GAA: variants seen among roughly 807,000 people sequenced by gnomAD.
GAA encodes alpha glucosidase.
A neutral mutation model predicts 103.9 loss-of-function variants in GAA; 88 were observed. The observed-to-expected ratio is 0.85, with a 90% CI of 0.71 to 1.01. The LOEUF is 1.01. GAA is among the 50% of genes least tolerant of loss of function. The probability of loss-of-function intolerance (pLI) is 0.00; values close to 1 mark genes in which losing one functional copy is unlikely to be tolerated. For synonymous variants in GAA, 572 were observed against 563.1 expected, an observed-to-expected ratio of 1.02 and a Z score of -0.22; for missense variants, 1,350 against 1,305.3, an observed-to-expected ratio of 1.03 and a Z score of -0.53.
intron 11 of GAA, among the ~76,000 whole-genome samples, chr17:80,111,281 G>A (rs563761493): frequency 6.6e-6 from 1 of 152,226 alleles, no homozygotes; most frequent in African/African-American, 2.4e-5. Flanking sequence ...AGGCCGACTC[G>A]ACTCAGAGCC....
At chr17:80,111,936 G>A (rs1462307127) in intron 11 of GAA, 47 bp from the exon 12 acceptor site, 2 of 1,542,326 alleles carry the variant, frequency 1.3e-6, no homozygotes, top group Admixed American at 1.7e-5. Context: ...GCACCTTGGA[G>A]CCTGCCGGGA....
rs746699384 is a variant in GAA, at chr17:80,108,599, T to G, written c.1186T>G (p.Phe396Val). The G allele has an allele frequency of 6.2e-7, 1 of 1,612,820 alleles. No individual in the cohort carries two copies. Among genetic ancestry groups the G allele is most frequent in the South Asian group, 1.1e-5 (1 of 91,066 alleles). Residue 396 changes from phenylalanine (F) to valine (V), a missense_variant, in exon 7 of 20, where the codon TTC becomes GTC. By Grantham distance (50) the Phe-to-Val change is conservative. Coordinates refer to ENST00000302262, the MANE Select transcript of GAA (RefSeq NM_000152.5). The part of the protein sequence containing the change: ...QVVENMTRAH[F>V]PLDVQWNDLD... ...GGTGGAGAACATGACCAGGGCCCAC[T>G]TCCCCCTGGTGAGTTGGGGTGGTGG...
chr17:80,111,891 G>A, intron 11 of GAA, 92 bp from the exon 12 acceptor site: 1 of 1,080,704 alleles, frequency 9.3e-7, no homozygotes, highest in Non-Finnish European at 1.4e-6. Flanking sequence ...GCAGCGACCT[G>A]CACAGGGGCT....
At position 80,112,983 on chromosome 17, in the gene GAA, G is replaced by C. The variant is rs916566117; in HGVS notation, c.1996G>C (p.Ala666Pro). 6.2e-7 allele frequency: 1 copy of C among 1,610,930 alleles called. No individual in the cohort carries two copies. Among genetic ancestry groups the C allele is most frequent in the South Asian group, 1.1e-5 (1 of 90,532 alleles). ...ELCVRWTQLG[A>P]FYPFMRNHNS... ...GTGTGTGCGCTGGACCCAGCTGGGGGCCTTCTACCCCTTCATGCGGAACCA... is the reference window on the plus strand; with the variant it reads ...GTGTGTGCGCTGGACCCAGCTGGGGCCCTTCTACCCCTTCATGCGGAACCA... The change falls in exon 14 of 20, where the codon GCC (alanine) becomes CCC (proline). Residue 666 changes from alanine to proline, a missense_variant. Physicochemically the swap from Ala to Pro is conservative, Grantham distance 27. Coordinates refer to ENST00000302262, the MANE Select transcript of GAA (RefSeq NM_000152.5).
Position 80,113,310 on chromosome 17 carries a change from A to G in GAA, c.2133A>G (p.Thr711=), listed in dbSNP as rs1800310. The G allele has an allele frequency of 0.28, 444,334 of 1,596,368 alleles. 64,026 individuals carry two copies. Among genetic ancestry groups the G allele is most frequent in the East Asian group, 0.39 (17,101 of 43,980 alleles). The change falls in exon 15 of 20, where the codon ACA becomes ACG. Residue 711 remains threonine (T), a synonymous_variant. Transcript: ENST00000302262. ...ACGCACTCCTCCCCCACCTCTACAC[A>G]CTGTTCCACCAGGCCCACGTCGCGG... ...LRYALLPHLY[T]LFHQAHVAGE...
At chr17:80,118,855 A>T (rs759763710) in intron 19 of GAA, 50 bp downstream of exon 19, 1 of 1,600,898 alleles carries the variant, frequency 6.2e-7, no homozygotes, top group African/African-American at 1.3e-5. Flanking sequence ...GCCGTGGTGC[A>T]GGGGGCAGAA....
rs541981435 is a variant in GAA at position 80,118,875 on chromosome 17, C to T, written c.2799+70C>T. 1.2e-4 allele frequency: 189 copies of T among 1,567,532 alleles called. 1 individual carries two copies. Among genetic ancestry groups the T allele is most frequent in the Middle Eastern group, 1.8e-4 (1 of 5,580 alleles). Reference sequence around the variant, plus strand: ...GGTGCAGGGGGCAGAAGGTGCTGGGCGTCCTGGTGACCGATGCCAGGAACA... The same window carrying T: ...GGTGCAGGGGGCAGAAGGTGCTGGGTGTCCTGGTGACCGATGCCAGGAACA... On this transcript the variant is annotated intron_variant, in intron 19 of 19. Coordinates refer to ENST00000302262, the MANE Select transcript of GAA (RefSeq NM_000152.5).
rs1235035841 is a variant in GAA, at chr17:80,112,699, T to G, written c.1876T>G (p.Ser626Ala). The change falls in exon 13 of 20, where the codon TCC becomes GCC. Residue 626 changes from serine to alanine, a missense_variant. Ser to Ala is a moderately conservative substitution (Grantham distance 99). Coordinates refer to ENST00000302262, the MANE Select transcript of GAA (RefSeq NM_000152.5). ...GTGGAGCTCCTGGGAGCAGCTCGCC[T>G]CCTCCGTGCCAGGTGAGCTCCTACC... is the stretch of plus-strand genomic sequence containing the variant. ...DVWSSWEQLA[S>A]SVPEILQFNL... 3 of 1,608,560 alleles carry G rather than the reference T, an allele frequency of 1.9e-6. No homozygotes were observed. The highest frequency in any genetic ancestry group is 1.3e-5 in the African/African-American group (1 of 74,866).
chr17:80,104,667 G>T lies in GAA; in HGVS notation c.81G>T (p.Leu27=). Residue 27 remains leucine (L), a synonymous_variant, in exon 2 of 20, where the codon CTG becomes CTT. Transcript: ENST00000302262. The surrounding 1 kb of genome is among the most constrained non-coding windows in gnomAD (Gnocchi z 4.0). ...ALVSLATAAL[L]GHILLHDFLL... ...TGTCCTTGGCAACCGCTGCACTCCT[G>T]GGGCACATCCTACTCCATGATTTCC... The T allele has an allele frequency of 6.2e-7, 1 of 1,613,330 alleles. No homozygotes were observed. The highest frequency in any genetic ancestry group is 8.5e-7 in the Non-Finnish European group (1 of 1,179,984).
intron 10 of GAA, 24 bp downstream of exon 10, chr17:80,110,864 A>G: frequency 6.2e-7 from 1 of 1,613,004 alleles, no homozygotes; most frequent in African/African-American, 1.3e-5. Context: ...CCTCCTGAGC[A>G]TCCCCAAGGC....
intron 2 of GAA, 135 bp downstream of exon 2, chr17:80,105,267 C>A: frequency 1.2e-6 from 1 of 869,200 alleles, no homozygotes; most frequent in Non-Finnish European, 1.7e-6. Context: ...GAGGTGTGAG[C>A]AGACAATGGC....
intron 17 of GAA, 86 bp from the exon 18 acceptor site, chr17:80,118,107 T>C (rs980141091): frequency 4.1e-6 from 6 of 1,456,526 alleles, no homozygotes; most frequent in Non-Finnish European, 4.7e-6. Flanking sequence ...AGCCTGGTGC[T>C]GTACCAGCCT....
chr17:80,117,942 C>T (rs563229176), intron 17 of GAA, among the ~76,000 whole-genome samples, 193 bp downstream of exon 17: 7 of 152,186 alleles, frequency 4.6e-5, no homozygotes, highest in Non-Finnish European at 4.4e-5. Flanking sequence ...GGAGCATGGC[C>T]GGCAGGAGCT....
intron 11 of GAA, 125 bp downstream of exon 11, chr17:80,111,150 G>T: frequency 2.2e-6 from 2 of 919,062 alleles, no homozygotes; most frequent in Non-Finnish European, 3.4e-6. Context: ...GGCGGGGGGG[G>T]GATCCCCAGG....
chr17:80,111,952 C>A, intron 11 of GAA, 31 bp from the exon 12 acceptor site: 1 of 1,588,898 alleles, frequency 6.3e-7, no homozygotes, highest in Non-Finnish European at 8.6e-7. Flanking sequence ...CGGGAGGAAG[C>A]TCCCTGGAAA....
At chr17:80,105,951 G>C (rs1462162056) in intron 3 of GAA, 57 bp downstream of exon 3, 1 of 1,539,902 alleles carries the variant, frequency 6.5e-7, no homozygotes, top group African/African-American at 1.4e-5. Flanking sequence ...TTTCTCACAC[G>C]GCAGGGAGGG....
In GAA at chr17:80,108,761, G is replaced by A. The variant is rs1341608133; in HGVS notation, c.1259G>A (p.Gly420Asp). ...AGGGACTTCACGTTCAACAAGGATG[G>A]CTTCCGGGACTTCCCGGCCATGGTG... ...SRRDFTFNKD[G>D]FRDFPAMVQE... The change falls in exon 8 of 20, where the codon GGC becomes GAC. Residue 420 changes from glycine to aspartate, a missense_variant. Gly to Asp is a moderately conservative substitution (Grantham distance 94). Coordinates refer to ENST00000302262, the MANE Select transcript of GAA (RefSeq NM_000152.5). The A allele has an allele frequency of 1.2e-6, 2 of 1,611,350 alleles. No homozygotes were observed. The highest frequency in any genetic ancestry group is 2.2e-5 in the South Asian group (2 of 90,840).
rs1598580407 is a variant in GAA at position 80,110,057 on chromosome 17, T to C, written c.1437+2T>C. On this transcript the variant is annotated splice_donor_variant, in intron 9 of 19. Coordinates refer to ENST00000302262, the MANE Select transcript of GAA (RefSeq NM_000152.5). LOFTEE classifies it high-confidence loss of function. ...ACCGGCCAGCCGCTGATTGGGAAGG[T>C]AGGGCGAGGGTCCAGGGGACGGGGG... The C allele has an allele frequency of 6.2e-7, 1 of 1,609,306 alleles. No individual in the cohort carries two copies. Among genetic ancestry groups the C allele is most frequent in the Non-Finnish European group, 8.5e-7 (1 of 1,177,976 alleles).
chr17:80,115,714 C>T (rs1180959372), intron 15 of GAA, among the ~76,000 whole-genome samples: 5 of 152,214 alleles, frequency 3.3e-5, no homozygotes, highest in Non-Finnish European at 7.3e-5. Context: ...TCCCCATCCC[C>T]CTCAGGTCTC....
Sources: allele counts gnomAD v4.1 joint callset (sites outside exome capture counted in the v4.1 genomes callset), GRCh38; gene constraint gnomAD v4.1.1; non-coding constraint Gnocchi (gnomAD v3.1); transcripts MANE v1.5; gene names NCBI Gene and HGNC (gene_info 2026-07-23, HGNC 2026-07-21).